Variants in FILIP1 observed in about 807,000 individuals in gnomAD.
The protein encoded by FILIP1 is filamin-A-interacting protein 1.
A neutral mutation model predicts 102.1 loss-of-function variants in FILIP1; 61 were observed. The ratio of observed to expected loss-of-function variants is 0.60; its 90% confidence interval spans 0.49 to 0.74. The LOEUF is 0.74. Among genes scored for constraint, FILIP1 ranks in the 30% least tolerant of loss-of-function variants. The pLI, the probability that FILIP1 is intolerant of heterozygous loss-of-function variation, is 0.00. For missense variants in FILIP1, 1,314 were observed against 1,441.2 expected, an observed-to-expected ratio of 0.91 and a Z score of 1.43; for synonymous variants, 491 against 526.9, an observed-to-expected ratio of 0.93 and a Z score of 0.93.
Position 75,314,128 on chromosome 6 carries a change from C to A in FILIP1, c.1704G>T (p.Leu568Phe). The change falls in exon 5 of 6, where the codon TTG becomes TTT. Residue 568 changes from leucine (L) to phenylalanine (F), a missense_variant. By Grantham distance (22) the Leu-to-Phe change is conservative. Coordinates refer to ENST00000237172, the MANE Select transcript of FILIP1 (RefSeq NM_015687.5). The stretch of plus-strand genomic sequence containing the variant: ...CTATCAACTCATCTCTTTCTCTTGT[C>A]AAGTTGTATACTTTTTCCTCCATTT... ...KSEMEEKVYN[L>F]TRERDELIGK... 6.6e-7 allele frequency: 1 copy of A among 1,515,702 alleles called. No individual in the cohort carries two copies. Among genetic ancestry groups the A allele is most frequent in the South Asian group, 1.4e-5 (1 of 72,368 alleles). 93.9% of individuals were successfully genotyped at this position (1,515,702 alleles called of 1,614,324 possible). A position where few individuals can be genotyped will look rare whatever the true frequency, so the allele number is the denominator to read the frequency against.
At chr6:75,434,458 A>G (rs1253393712) in intron 1 of FILIP1, among the ~76,000 whole-genome samples, 1 of 152,136 alleles carries the variant, frequency 6.6e-6, no homozygotes, top group Non-Finnish European at 1.5e-5. Context: ...GCAATTGTGA[A>G]TGGGAGTTCA....
At chr6:75,381,235 A>C (rs1326752261) in intron 2 of FILIP1, among the ~76,000 whole-genome samples, 3 of 146,644 alleles carry the variant, frequency 2.0e-5, no homozygotes, top group Admixed American at 6.8e-5. Context: ...ATTAGATACA[A>C]TTTTTTTTTT....
chr6:75,455,362 A>T (rs991598243), intron 1 of FILIP1: 6 of 152,270 alleles, frequency 3.9e-5, no homozygotes, highest in Middle Eastern at 6.8e-3. Context: ...AGACAAAAAA[A>T]AAAAATAAAA....
intron 2 of FILIP1, among the ~76,000 whole-genome samples, chr6:75,378,898 A>G (rs1197044442): frequency 3.9e-5 from 6 of 152,196 alleles, no homozygotes; most frequent in African/African-American, 1.4e-4. Context: ...AAGGGTACCA[A>G]CATAGGTTTT....
intron 4 of FILIP1, among the ~76,000 whole-genome samples, chr6:75,350,794 G>T (rs1234129703): frequency 6.6e-6 from 1 of 152,190 alleles, no homozygotes; most frequent in Non-Finnish European, 1.5e-5. Flanking sequence ...GGAAGCTAAA[G>T]AAAAGACAGA....
intron 1 of FILIP1, among the ~76,000 whole-genome samples, chr6:75,425,370 G>A (rs1455371215): frequency 6.6e-6 from 1 of 152,144 alleles, no homozygotes; most frequent in Admixed American, 6.6e-5. Flanking sequence ...AAAATGTCAT[G>A]CCACAATGCA....
chr6:75,372,228 G>A (rs991121448), intron 2 of FILIP1, among the ~76,000 whole-genome samples: 1 of 151,830 alleles, frequency 6.6e-6, no homozygotes, highest in Non-Finnish European at 1.5e-5. Context: ...TTAGCTGGGC[G>A]TGATGGTGCA....
rs1207994349 is a variant in FILIP1, at chr6:75,313,193, G to T, written c.2639C>A (p.Pro880His). The T allele has an allele frequency of 2.5e-6, 4 of 1,614,110 alleles. No individual in the cohort carries two copies. The highest frequency in any genetic ancestry group is 2.2e-5 in the East Asian group (1 of 44,874). The change falls in exon 5 of 6, where the codon CCC becomes CAC. Residue 880 changes from proline to histidine, a missense_variant. By Grantham distance (77) the Pro-to-His change is moderately conservative. Transcript: ENST00000237172. This position sits in a 1 kb window ranked among gnomAD's most constrained non-coding sequence, Gnocchi z 4.2. ...GGGCCCTTTCTCCTGAGTGATGGAGGGGCCGTTTTCCCTCTTTCTCATCCA... is the reference window on the plus strand; with the variant it reads ...GGGCCCTTTCTCCTGAGTGATGGAGTGGCCGTTTTCCCTCTTTCTCATCCA... ...IPWMRKRENG[P>H]SITQEKGPRT...
In FILIP1 at chr6:75,421,264, T is replaced by A. The variant is rs1361791227; in HGVS notation, c.-6-6286A>T. On this transcript the variant is annotated intron_variant, in intron 1 of 5. Coordinates refer to ENST00000237172, the MANE Select transcript of FILIP1 (RefSeq NM_015687.5). ...GAGATGTCAACACAATTTTGCAGGATGGAAAGTGGTTAGATGAGTGGGAAC... is the reference window on the plus strand; with the variant it reads ...GAGATGTCAACACAATTTTGCAGGAAGGAAAGTGGTTAGATGAGTGGGAAC... Among the ~76,000 whole-genome samples, 6 of 152,048 alleles carry A rather than the reference T, an allele frequency of 3.9e-5. 1 individual carries two copies. The highest frequency in any genetic ancestry group is 5.9e-5 in the Non-Finnish European group (4 of 68,008).
In FILIP1 at chr6:75,395,332, T is replaced by G. The variant is rs192201784; in HGVS notation, c.276+19365A>C. Among the ~76,000 whole-genome samples, 17 of 152,264 alleles carry G rather than the reference T, an allele frequency of 1.1e-4. No homozygotes were observed. In the East Asian group the frequency reaches 3.3e-3, roughly 29 times the overall value. ...TCTCGCTCTGTCATCCAGGTGGGAG[T>G]GCAGTGGCACGATCTTGGCTCACTG... On this transcript the variant is annotated intron_variant, in intron 2 of 5. Coordinates refer to ENST00000237172, the MANE Select transcript of FILIP1 (RefSeq NM_015687.5).
downstream of FILIP1, among the ~76,000 whole-genome samples, chr6:75,303,697 G>A (rs73751107): frequency 0.025 from 3,831 of 151,828 alleles, 182 homozygotes; most frequent in African/African-American, 0.087. Flanking sequence ...GCCCCAGAAA[G>A]GTTACTGGAG....
At chr6:75,309,173 A>G (rs1773093722) in intron 5 of FILIP1, among the ~76,000 whole-genome samples, 2 of 152,140 alleles carry the variant, frequency 1.3e-5, no homozygotes, top group African/African-American at 4.8e-5. Context: ...CCTTAACTCC[A>G]GTTTCACAGA....
intron 2 of FILIP1, among the ~76,000 whole-genome samples, chr6:75,373,006 A>G (rs1050619930): frequency 6.6e-6 from 1 of 152,232 alleles, no homozygotes; most frequent in African/African-American, 2.4e-5. Flanking sequence ...AATATTATTC[A>G]CAATAGTCAA....
rs563539943 is a variant in FILIP1, at chr6:75,441,653, CG to C, written c.-6-26676del. On this transcript the variant is annotated intron_variant, in intron 1 of 5. Coordinates refer to ENST00000237172, the MANE Select transcript of FILIP1 (RefSeq NM_015687.5). ...CTCCCGGACGGGGCGGCTGGCCGGG[CG>C]GGGGGCTGACGCCCCCACCTCCCTC... 3.1e-3 allele frequency among the ~76,000 whole-genome samples: 445 copies of C among 145,556 alleles called. 10 individuals carry two copies. The highest frequency in any genetic ancestry group is 0.011 in the African/African-American group (419 of 37,832).
intron 4 of FILIP1, among the ~76,000 whole-genome samples, chr6:75,341,631 G>A (rs1774423684): frequency 6.6e-6 from 1 of 151,940 alleles, no homozygotes; most frequent in African/African-American, 2.4e-5. Context: ...ATGTAATATA[G>A]TTTATATTAT....
At chr6:75,444,597 G>A (rs778634634) in intron 1 of FILIP1, among the ~76,000 whole-genome samples, 6 of 151,950 alleles carry the variant, frequency 3.9e-5, no homozygotes, top group Non-Finnish European at 7.4e-5. Flanking sequence ...CCCTACCATC[G>A]TAAGTTGTTT....
chr6:75,389,079 A>G (rs1776195808), intron 2 of FILIP1, among the ~76,000 whole-genome samples: 1 of 152,182 alleles, frequency 6.6e-6, no homozygotes, highest in Admixed American at 6.5e-5. Context: ...TTTTAGCATG[A>G]AGGGCTGTTG....
Position 75,414,777 on chromosome 6 carries a change from C to A in FILIP1, c.196G>T (p.Glu66Ter). 6.2e-7 allele frequency: 1 copy of A among 1,613,834 alleles called. No individual in the cohort carries two copies. The highest frequency in any genetic ancestry group is 8.5e-7 in the Non-Finnish European group (1 of 1,179,804). ...TCCAGGGATTTCTTAGTTTTTCGTT[C>A]ACATTCTCCAGATGTTTTTAGGTGT... ...KRHLKTSGEC[E>*]RKTKKSLELS... Residue 66 changes from glutamate to a stop codon, truncating the protein, a stop_gained, in exon 2 of 6, where the codon GAA (glutamate) becomes TAA (stop). Transcript: ENST00000237172. LOFTEE classifies it high-confidence loss of function.
At chr6:75,345,181 TG>T (rs1414065119) in intron 4 of FILIP1, among the ~76,000 whole-genome samples, 1 of 152,198 alleles carries the variant, frequency 6.6e-6, no homozygotes, top group Non-Finnish European at 1.5e-5. Context: ...TGCCCATTTT[TG>T]CTCAAGCCCT....
Sources: gnomAD v4.1 joint callset for allele counts (sites outside exome capture counted in the v4.1 genomes callset) on GRCh38, gnomAD v4.1.1 for gene constraint, Gnocchi (gnomAD v3.1) non-coding constraint, MANE v1.5 for transcripts, NCBI Gene and HGNC (gene_info 2026-07-23, HGNC 2026-07-21) for gene names.